Variants in SNX29 observed in about 807,000 individuals in gnomAD.
SNX29 encodes the protein sorting nexin-29.
In SNX29, 78 loss-of-function variants were observed where a neutral mutation model predicts 102.1. The ratio of observed to expected loss-of-function variants is 0.76; its 90% CI spans 0.64 to 0.92. The LOEUF (loss-of-function observed/expected upper bound fraction) is 0.92. SNX29 is among the 40% of genes least tolerant of loss of function. The probability of loss-of-function intolerance (pLI) is 0.00; values close to 1 mark genes in which losing one functional copy is unlikely to be tolerated. For missense variants in SNX29, 1,280 were observed against 1,061.7 expected (o/e 1.21, Z -2.86); for synonymous variants, 580 against 414.5 (o/e 1.40, Z -4.85).
intron 14 of SNX29, among the ~76,000 whole-genome samples, chr16:12,206,031 C>T (rs1195604331): frequency 6.6e-6 from 1 of 152,174 alleles, no homozygotes; most frequent in Non-Finnish European, 1.5e-5. Context: ...TCTAGTGCCA[C>T]CCAAATAATG....
At chr16:12,452,158 A>C (rs2086328930) in intron 18 of SNX29, among the ~76,000 whole-genome samples, 1 of 152,164 alleles carries the variant, frequency 6.6e-6, no homozygotes, top group African/African-American at 2.4e-5. Context: ...GCTCAGTGCA[A>C]GTTCTAGCTG....
At chr16:12,430,438 G>C (rs2085263716) in intron 18 of SNX29, among the ~76,000 whole-genome samples, 1 of 152,202 alleles carries the variant, frequency 6.6e-6, no homozygotes, top group African/African-American at 2.4e-5. Context: ...CAGTGACCTT[G>C]GGATCAGGCA....
chr16:12,370,013 G>A (rs570659734), intron 16 of SNX29, among the ~76,000 whole-genome samples: 60 of 152,088 alleles, frequency 3.9e-4, no homozygotes, highest in Middle Eastern at 3.4e-3. Context: ...GGTCAGGCAG[G>A]AGTTTGAGAC....
intron 1 of SNX29, among the ~76,000 whole-genome samples, chr16:11,978,595 T>C (rs1486894099): frequency 2.0e-5 from 3 of 152,214 alleles, no homozygotes; most frequent in Non-Finnish European, 4.4e-5. Context: ...TGTTTTTGCC[T>C]AGTTATGAGA....
rs187559030 is a variant in SNX29 at position 12,396,176 on chromosome 16, C to G, written c.1900-2270C>G. On this transcript the variant is annotated intron_variant, in intron 16 of 20. Coordinates refer to ENST00000566228, the MANE Select transcript of SNX29 (RefSeq NM_032167.5). ...GAAAATCCCCACCCCTCAGGGGAAACTTACCTACCCAAAAAATACCTTGTT... is the reference window on the plus strand; with the variant it reads ...GAAAATCCCCACCCCTCAGGGGAAAGTTACCTACCCAAAAAATACCTTGTT... Among the ~76,000 whole-genome samples, 1,155 of 152,312 alleles carry G rather than the reference C, an allele frequency of 7.6e-3. 17 individuals are homozygous for G. The highest frequency in any genetic ancestry group is 7.3e-3 in the Non-Finnish European group (497 of 68,004).
chr16:12,226,446 T>A (rs1307226941), intron 14 of SNX29, among the ~76,000 whole-genome samples: 1 of 152,142 alleles, frequency 6.6e-6, no homozygotes, highest in Non-Finnish European at 1.5e-5. Flanking sequence ...AGAGAATCTA[T>A]AGACTGTATG....
intron 20 of SNX29, among the ~76,000 whole-genome samples, chr16:12,558,170 G>T (rs991363274): frequency 6.6e-6 from 1 of 152,162 alleles, no homozygotes; most frequent in Non-Finnish European, 1.5e-5. Flanking sequence ...TAGGCGTAAT[G>T]CATCTCAGTT....
At chr16:12,306,430 GGTCTGTTTAAAAT>G (rs1190567024) in intron 15 of SNX29, among the ~76,000 whole-genome samples, 1 of 151,804 alleles carries the variant, frequency 6.6e-6, no homozygotes, top group African/African-American at 2.4e-5. Context: ...TATAAAACGA[GGTCTGTTTAAAAT>G]GAATTAAACA....
intron 16 of SNX29, among the ~76,000 whole-genome samples, chr16:12,387,399 G>C (rs2083377336): frequency 6.6e-6 from 1 of 152,168 alleles, no homozygotes; most frequent in South Asian, 2.1e-4. Flanking sequence ...GCAATGAGGA[G>C]AATCGTTGGC....
intron 19 of SNX29, among the ~76,000 whole-genome samples, chr16:12,514,565 T>C (rs1276481259): frequency 6.6e-6 from 1 of 152,034 alleles, no homozygotes; most frequent in Non-Finnish European, 1.5e-5. Context: ...AATGGGAACA[T>C]GAAAAAGCCC....
intron 15 of SNX29, among the ~76,000 whole-genome samples, chr16:12,320,890 G>A (rs2080909557): frequency 1.3e-5 from 2 of 152,152 alleles, no homozygotes; most frequent in Non-Finnish European, 2.9e-5. Flanking sequence ...TCCCACATTT[G>A]GGTGCTTAAA....
intron 4 of SNX29, among the ~76,000 whole-genome samples, chr16:12,034,864 A>G (rs1392844991): frequency 6.6e-6 from 1 of 152,106 alleles, no homozygotes; most frequent in Non-Finnish European, 1.5e-5. Flanking sequence ...TACAAAAATT[A>G]GCTGGGCATG....
At chr16:12,022,286 C>T (rs770413496) in intron 3 of SNX29, among the ~76,000 whole-genome samples, 32 of 151,386 alleles carry the variant, frequency 2.1e-4, no homozygotes, top group Non-Finnish European at 4.1e-4. Context: ...CTGCGACCTC[C>T]GCCTCCCGGG....
intron 20 of SNX29, among the ~76,000 whole-genome samples, chr16:12,546,954 C>G (rs908221142): frequency 1.3e-5 from 2 of 152,118 alleles, no homozygotes; most frequent in African/African-American, 2.4e-5. Context: ...AATTCCCCAC[C>G]CCTCCATCCA....
At chr16:12,483,467 G>A (rs1408272462) in intron 19 of SNX29, among the ~76,000 whole-genome samples, 3 of 151,738 alleles carry the variant, frequency 2.0e-5, no homozygotes, top group African/African-American at 7.3e-5. Flanking sequence ...ACAGGTGTGT[G>A]CCACCACGCC....
intron 11 of SNX29, among the ~76,000 whole-genome samples, chr16:12,095,770 G>T (rs777336376): frequency 2.6e-5 from 4 of 152,142 alleles, no homozygotes; most frequent in Non-Finnish European, 2.9e-5. Context: ...AGACCATCCG[G>T]CCCATTTGTT....
chr16:12,473,618 C>T (rs150014081), intron 18 of SNX29, among the ~76,000 whole-genome samples: 83 of 152,276 alleles, frequency 5.5e-4, no homozygotes, highest in African/African-American at 1.8e-3. Context: ...GCTGCATTTT[C>T]GGACGGTTAG....
At chr16:12,305,956 G>A (rs1301463129) in intron 15 of SNX29, among the ~76,000 whole-genome samples, 1 of 152,044 alleles carries the variant, frequency 6.6e-6, no homozygotes, top group Non-Finnish European at 1.5e-5. Flanking sequence ...TGAATTGAAT[G>A]TCTGTTTAAT....
chr16:12,459,648 G>A (rs985254293), intron 18 of SNX29, among the ~76,000 whole-genome samples: 1 of 152,146 alleles, frequency 6.6e-6, no homozygotes, highest in African/African-American at 2.4e-5. Flanking sequence ...CCCTGAGCTC[G>A]GGAGGTGGAG....
Sources: gnomAD v4.1 joint callset for allele counts (sites outside exome capture counted in the v4.1 genomes callset) on GRCh38, gnomAD v4.1.1 for gene constraint, MANE v1.5 for transcripts, NCBI Gene and HGNC (gene_info 2026-07-23, HGNC 2026-07-21) for gene names.